The following HFM1 variants were observed in gnomAD, a reference collection of about 807,000 sequenced individuals.
HFM1 encodes the protein helicase for meiosis 1.
HFM1 carries 169 observed loss-of-function variants against 192.1 expected under a neutral mutation model. The ratio of observed to expected loss-of-function variants is 0.88; its 90% CI spans 0.78 to 1.00. The LOEUF (loss-of-function observed/expected upper bound fraction) is 1.00, where lower values mean the gene tolerates loss of function less well. Among genes scored for constraint, HFM1 ranks in the 50% least tolerant of loss-of-function variants. HFM1 has a pLI of 0.00. For missense variants in HFM1, 1,661 were observed against 1,668.0 expected (o/e 1.00, Z 0.07); for synonymous variants, 525 against 537.8 (o/e 0.98, Z 0.33).
intron 30 of HFM1, among the ~76,000 whole-genome samples, chr1:91,301,443 C>T (rs1648764169): frequency 1.2e-5 from 1 of 83,388 alleles, no homozygotes; most frequent in South Asian, 5.5e-4. Context: ...CTTTAAAGTT[C>T]ACATGGAACC....
chr1:91,380,551 C>A (rs934465618), intron 7 of HFM1, among the ~76,000 whole-genome samples: 8 of 152,002 alleles, frequency 5.3e-5, no homozygotes, highest in African/African-American at 1.9e-4. Context: ...GTCAGGAGTT[C>A]GAGACCAGCC....
At chr1:91,367,659 CA>C (rs1178933306) in intron 13 of HFM1, among the ~76,000 whole-genome samples, 2 of 152,110 alleles carry the variant, frequency 1.3e-5, no homozygotes, top group African/African-American at 4.8e-5. Context: ...GGGGAAAAAA[CA>C]GAGCAGAAAA....
chr1:91,295,972 C>T (rs1213580099), intron 30 of HFM1, among the ~76,000 whole-genome samples: 1 of 151,976 alleles, frequency 6.6e-6, no homozygotes, highest in Non-Finnish European at 1.5e-5. Flanking sequence ...ACTCTGTCAC[C>T]CAGGCTGGAG....
In HFM1 at chr1:91,394,211, G is replaced by A. The variant is rs372556136; in HGVS notation, c.376C>T (p.Gln126Ter). 2.7e-5 allele frequency: 43 copies of A among 1,601,200 alleles called. No homozygotes were observed. The highest frequency in any genetic ancestry group is 3.4e-5 in the Non-Finnish European group (40 of 1,168,498). Residue 126 changes from glutamine (Q) to a stop codon, truncating the protein, a stop_gained, in exon 4 of 39, where the codon CAG (glutamine) becomes TAG (stop). Transcript: ENST00000370425. LOFTEE classifies it high-confidence loss of function. The stretch of plus-strand genomic sequence containing the variant: ...GTGCCAATGTGATTTTTATATTTCT[G>A]AGAAGCATATGTCAGCTTGCCAGCA... Reference protein sequence around the residue: ...HIAGKLTYASQKYKNHIGTEI... With the variant: ...HIAGKLTYAS
At chr1:91,352,077 G>C (rs984996995) in intron 16 of HFM1, among the ~76,000 whole-genome samples, 1 of 151,802 alleles carries the variant, frequency 6.6e-6, no homozygotes, top group East Asian at 1.9e-4. Context: ...GGTATGTTTT[G>C]AAATGTATTT....
intron 30 of HFM1, among the ~76,000 whole-genome samples, chr1:91,300,786 A>G (rs1234613186): frequency 6.6e-6 from 1 of 152,196 alleles, no homozygotes; most frequent in Non-Finnish European, 1.5e-5. Flanking sequence ...GACGTATCTC[A>G]AAGTAATAAG....
At chr1:91,300,649 T>G (rs1201519517) in intron 30 of HFM1, among the ~76,000 whole-genome samples, 2 of 152,200 alleles carry the variant, frequency 1.3e-5, no homozygotes, top group Admixed American at 6.5e-5. Context: ...TCAATAAACT[T>G]AATCCAGCAT....
At position 91,378,222 on chromosome 1, in the gene HFM1, T is replaced by C. The variant is rs781699451; in HGVS notation, c.1237-39A>G. On this transcript the variant is annotated intron_variant, in intron 10 of 38. Coordinates refer to ENST00000370425, the MANE Select transcript of HFM1 (RefSeq NM_001017975.6). ...CAAGAAAAAATCATTAGCTATAGAA[T>C]TAAAAATACATTTAATCAATTAAAA... 6 of 1,442,138 alleles carry C rather than the reference T, an allele frequency of 4.2e-6. No homozygotes were observed. In the Admixed American group the frequency reaches 1.3e-4, roughly 31 times the overall value. 89.3% of individuals were successfully genotyped at this position (1,442,138 alleles called of 1,614,324 possible).
chr1:91,385,712 T>A lies in HFM1; in HGVS notation c.617A>T (p.Tyr206Phe), dbSNP rs138827341. ...CTGAAATTTTTGCTTACTATTGCTA[T>A]AGTTCCTTGATTTCCCTTTGTTCAT... ...TEMNKGKSRN[Y>F]SNSKQKFQYS... Residue 206 changes from tyrosine to phenylalanine, a missense_variant, in exon 5 of 39, where the codon TAT (tyrosine) becomes TTT (phenylalanine). Physicochemically the swap from Tyr to Phe is conservative, Grantham distance 22. Coordinates refer to ENST00000370425, the MANE Select transcript of HFM1 (RefSeq NM_001017975.6). 5.0e-6 allele frequency: 8 copies of A among 1,612,886 alleles called. No homozygotes were observed. Among genetic ancestry groups the A allele is most frequent in the Non-Finnish European group, 5.9e-6 (7 of 1,178,952 alleles).
chr1:91,324,854 G>C, intron 20 of HFM1, 88 bp from the exon 21 acceptor site: 3 of 741,898 alleles, frequency 4.0e-6, no homozygotes. Flanking sequence ...CTGAGGGGAG[G>C]AGAAGCAAGA....
intron 13 of HFM1, among the ~76,000 whole-genome samples, chr1:91,366,563 T>C (rs1179732606): frequency 2.0e-5 from 3 of 152,258 alleles, no homozygotes; most frequent in East Asian, 3.8e-4. Flanking sequence ...ATTCTATTAC[T>C]AGTTTTATAA....
Position 91,375,745 on chromosome 1 carries a change from A to G in HFM1, c.1396-18T>C, listed in dbSNP as rs904829907. The G allele has an allele frequency of 2.5e-6, 4 of 1,605,492 alleles. No individual in the cohort carries two copies. The highest frequency in any genetic ancestry group is 3.4e-6 in the Non-Finnish European group (4 of 1,173,476). ...TCTGCAATCTTTGAAACACAAAAAT[A>G]TGTGCATTAAAATTTTCTTCTAGTA... is the stretch of plus-strand genomic sequence containing the variant. On this transcript the variant is annotated intron_variant, in intron 11 of 38. Transcript: ENST00000370425.
At chr1:91,278,247 T>C (rs921159764) in intron 30 of HFM1, among the ~76,000 whole-genome samples, 3 of 151,964 alleles carry the variant, frequency 2.0e-5, no homozygotes, top group Non-Finnish European at 2.9e-5. Flanking sequence ...AGAGAGATTG[T>C]TTCCATCCTG....
intron 2 of HFM1, among the ~76,000 whole-genome samples, chr1:91,400,480 C>CTT (rs112090967): frequency 7.2e-6 from 1 of 139,058 alleles, no homozygotes; most frequent in African/African-American, 2.6e-5. Context: ...AGGCAAGAAT[C>CTT]TTTTTTTTTT....
chr1:91,395,141 T>C (rs1333435580), intron 3 of HFM1, among the ~76,000 whole-genome samples: 3 of 152,128 alleles, frequency 2.0e-5, no homozygotes, highest in African/African-American at 4.8e-5. Context: ...ACATACATTG[T>C]TTGAGTGTGC....
chr1:91,273,627 T>A, intron 34 of HFM1, 85 bp downstream of exon 34: 2 of 638,266 alleles, frequency 3.1e-6, no homozygotes, highest in Non-Finnish European at 5.5e-6. Flanking sequence ...CAATTTCAGA[T>A]GCCGGTGTTT....
rs546156770 is a variant in HFM1, at chr1:91,350,761, G to C, written c.2183C>G (p.Ala728Gly). ...WIRSTLLYIRALKNPSHYGFA... is the reference protein window; with the variant it reads ...WIRSTLLYIRGLKNPSHYGFA... ...ACCATAATGAGATGGATTTTTCAAG[G>C]CTCTGATATAAAGCAGAGTTGATCG... Residue 728 changes from alanine to glycine, a missense_variant, in exon 18 of 39, where the codon GCC (alanine) becomes GGC (glycine). Coordinates refer to ENST00000370425, the MANE Select transcript of HFM1 (RefSeq NM_001017975.6). 143 of 1,610,848 alleles carry C rather than the reference G, an allele frequency of 8.9e-5. No homozygotes were observed. The highest frequency in any genetic ancestry group is 1.1e-4 in the Non-Finnish European group (131 of 1,178,604).
At position 91,323,878 on chromosome 1, in the gene HFM1, T is replaced by C. The variant is rs182427880; in HGVS notation, c.2428-679A>G. 1.9e-3 allele frequency among the ~76,000 whole-genome samples: 288 copies of C among 152,328 alleles called. 1 individual carries two copies. Among genetic ancestry groups the C allele is most frequent in the African/African-American group, 6.8e-3 (284 of 41,580 alleles). On this transcript the variant is annotated intron_variant, in intron 21 of 38. Coordinates refer to ENST00000370425, the MANE Select transcript of HFM1 (RefSeq NM_001017975.6). ...ACCTTCTATTTTTCATCAATTGTTG[T>C]TTATGTGACTCCTCAATCATAACTG...
intron 11 of HFM1, among the ~76,000 whole-genome samples, chr1:91,376,024 C>T (rs1209367069): frequency 6.6e-6 from 1 of 150,916 alleles, no homozygotes; most frequent in Non-Finnish European, 1.5e-5. Flanking sequence ...TCAATTTTGT[C>T]ATAGAGGCCA....
Sources: gnomAD v4.1 joint callset for allele counts (sites outside exome capture counted in the v4.1 genomes callset) on GRCh38, gnomAD v4.1.1 for gene constraint, MANE v1.5 for transcripts, NCBI Gene and HGNC (gene_info 2026-07-23, HGNC 2026-07-21) for gene names.